MREG: variants seen among roughly 807,000 people sequenced by gnomAD.
The protein encoded by MREG is dilute suppressor protein homolog.
MREG carries 31 observed loss-of-function variants against 28.5 expected under a neutral mutation model. That is an observed-to-expected ratio of 1.09 (90% CI 0.82 to 1.47). The LOEUF (loss-of-function observed/expected upper bound fraction) is 1.47, where lower values mean the gene tolerates loss of function less well. Among genes scored for constraint, MREG ranks in the 40% most tolerant of loss-of-function variants. The pLI, the probability that MREG is intolerant of heterozygous loss-of-function variation, is 0.00. For synonymous variants in MREG, 106 were observed against 95.2 expected (o/e 1.11, Z -0.66); for missense variants, 256 against 257.4 (o/e 0.99, Z 0.04).
intron 2 of MREG, among the ~76,000 whole-genome samples, chr2:215,974,825 GACACACACACAC>G (rs71982102): frequency 6.3e-5 from 8 of 126,650 alleles, no homozygotes; most frequent in Admixed American, 2.4e-4. Flanking sequence ...CACACACACA[GACACACACACAC>G]ACACACACAC....
In MREG at chr2:216,030,012, G is replaced by A. The variant is rs533793208; in HGVS notation, c.-68+2777C>T. Among the ~76,000 whole-genome samples the A allele has an allele frequency of 2.0e-5, 3 of 152,286 alleles. No homozygotes were observed. In the South Asian group the frequency reaches 6.2e-4, roughly 32 times the overall value. ...TCATGGTGGACCAGTCTCCCACTGT[G>A]AGCCCCATCTTTGTGTTCACATTCA... On this transcript the variant is annotated intron_variant, in intron 1 of 3. Transcript: ENST00000420348.
chr2:215,990,911 T>A (rs1693704638), intron 2 of MREG, among the ~76,000 whole-genome samples: 1 of 152,092 alleles, frequency 6.6e-6, no homozygotes, highest in Non-Finnish European at 1.5e-5. Context: ...CCTAGAAACA[T>A]ACAAAGAGAC....
At chr2:215,976,502 G>T (rs1693264500) in intron 2 of MREG, among the ~76,000 whole-genome samples, 1 of 152,200 alleles carries the variant, frequency 6.6e-6, no homozygotes, top group Non-Finnish European at 1.5e-5. Context: ...AGGACAGGAG[G>T]TTCTGGCCAA....
At chr2:215,988,296 A>G (rs7580069) in intron 2 of MREG, among the ~76,000 whole-genome samples, 28,771 of 152,096 alleles carry the variant, frequency 0.19, 3,537 homozygotes, top group East Asian at 0.39. Context: ...AAGGGGTCAG[A>G]GAATTCCCTC....
At chr2:216,001,955 C>G (rs1574644706) in intron 1 of MREG, among the ~76,000 whole-genome samples, 1 of 152,154 alleles carries the variant, frequency 6.6e-6, no homozygotes, top group East Asian at 1.9e-4. Context: ...GTGCAAAGGC[C>G]TGGGGGTCTG....
chr2:215,959,578 G>T (rs1692723590), intron 2 of MREG, among the ~76,000 whole-genome samples: 1 of 152,166 alleles, frequency 6.6e-6, no homozygotes, highest in African/African-American at 2.4e-5. Flanking sequence ...AGATGAGATT[G>T]GGTCACTTCC....
At chr2:215,971,088 A>T (rs1693078973) in intron 2 of MREG, among the ~76,000 whole-genome samples, 1 of 152,140 alleles carries the variant, frequency 6.6e-6, no homozygotes. Context: ...TTGAACAATG[A>T]GAATACACGA....
intron 2 of MREG, among the ~76,000 whole-genome samples, chr2:215,957,945 T>C (rs930686727): frequency 6.6e-6 from 1 of 152,094 alleles, no homozygotes; most frequent in African/African-American, 2.4e-5. Flanking sequence ...GATGAGCTCA[T>C]GTCCTTTGTA....
intron 2 of MREG, among the ~76,000 whole-genome samples, chr2:215,978,212 T>C (rs185166116): frequency 6.5e-4 from 99 of 152,138 alleles, no homozygotes; most frequent in Admixed American, 4.6e-3. Context: ...TCACCACCGA[T>C]CCCACAGAAA....
chr2:215,994,203 A>G (rs2106014151), intron 2 of MREG, among the ~76,000 whole-genome samples: 1 of 152,156 alleles, frequency 6.6e-6, no homozygotes, highest in Admixed American at 6.5e-5. Context: ...AAAATGTGGC[A>G]CATATACTCC....
intron 2 of MREG, among the ~76,000 whole-genome samples, chr2:215,978,732 C>T (rs1317349702): frequency 1.3e-5 from 2 of 152,180 alleles, no homozygotes; most frequent in African/African-American, 4.8e-5. Context: ...GTTCAGCATA[C>T]TCAAATCAAT....
At chr2:215,953,787 T>C (rs1320923168) in intron 2 of MREG, among the ~76,000 whole-genome samples, 2 of 152,244 alleles carry the variant, frequency 1.3e-5, no homozygotes, top group African/African-American at 4.8e-5. Flanking sequence ...TGGAGTTCTT[T>C]TTCTGGCCCT....
At chr2:215,985,591 C>CTA (rs1693547178) in intron 2 of MREG, among the ~76,000 whole-genome samples, 1 of 152,128 alleles carries the variant, frequency 6.6e-6, no homozygotes, top group East Asian at 1.9e-4. Context: ...ATTTGCTCTT[C>CTA]TATATATATT....
intron 2 of MREG, among the ~76,000 whole-genome samples, chr2:215,948,187 T>G (rs371593170): frequency 2.6e-5 from 4 of 152,354 alleles, no homozygotes; most frequent in East Asian, 3.9e-4. Flanking sequence ...AATCAACTCA[T>G]GACTGTTTAA....
intron 2 of MREG, among the ~76,000 whole-genome samples, chr2:215,984,902 G>A (rs1051691461): frequency 3.9e-5 from 6 of 152,180 alleles, no homozygotes; most frequent in South Asian, 4.1e-4. Flanking sequence ...AGGCTTATGA[G>A]CAGACTTTGC....
chr2:215,963,631 T>C (rs145133322), intron 2 of MREG, among the ~76,000 whole-genome samples: 3 of 152,022 alleles, frequency 2.0e-5, no homozygotes, highest in African/African-American at 7.2e-5. Flanking sequence ...TGGGCAGTGC[T>C]GATCCACACA....
chr2:216,001,523 C>G (rs1027751391), intron 1 of MREG, among the ~76,000 whole-genome samples: 1 of 152,236 alleles, frequency 6.6e-6, no homozygotes, highest in African/African-American at 2.4e-5. Flanking sequence ...CTCCACTCTG[C>G]CCCTCTGCCT....
chr2:216,033,450 T>G (rs1404141432), upstream of MREG, among the ~76,000 whole-genome samples: 1 of 152,054 alleles, frequency 6.6e-6, no homozygotes, highest in Non-Finnish European at 1.5e-5. Context: ...CTCTAAAATC[T>G]GTACTTCATG....
intron 2 of MREG, among the ~76,000 whole-genome samples, chr2:215,977,849 G>C: frequency 6.6e-6 from 1 of 152,076 alleles, no homozygotes; most frequent in Non-Finnish European, 1.5e-5. Flanking sequence ...AAAGACACAA[G>C]GTTCCAGAAT....
Sources: gnomAD v4.1 joint callset for allele counts (sites outside exome capture counted in the v4.1 genomes callset) on GRCh38, gnomAD v4.1.1 for gene constraint, MANE v1.5 for transcripts, NCBI Gene and HGNC (gene_info 2026-07-23, HGNC 2026-07-21) for gene names.